Variants in PRDM16 observed in about 807,000 individuals in gnomAD.
PRDM16 encodes histone-lysine N-methyltransferase PRDM16.
A neutral mutation model predicts 110.6 loss-of-function variants in PRDM16; 23 were observed. The ratio of observed to expected loss-of-function variants is 0.21; its 90% confidence interval spans 0.15 to 0.29. The LOEUF is 0.29. Ranked by LOEUF, PRDM16 falls within the 10% of genes least tolerant of loss-of-function variation. The pLI, the probability that PRDM16 is intolerant of heterozygous loss-of-function variation, is 1.00. For missense variants in PRDM16, 1,615 were observed against 1,794.3 expected (o/e 0.90, Z 1.81); for synonymous variants, 799 against 781.8 (o/e 1.02, Z -0.37).
chr1:3,360,538 G>A (rs1182378634), intron 3 of PRDM16, among the ~76,000 whole-genome samples: 1 of 152,180 alleles, frequency 6.6e-6, no homozygotes, highest in Admixed American at 6.5e-5. Flanking sequence ...TAGATGCTGG[G>A]AAGAGGTGTC....
At chr1:3,127,539 G>C (rs191966257) in intron 1 of PRDM16, among the ~76,000 whole-genome samples, 1 of 152,192 alleles carries the variant, frequency 6.6e-6, no homozygotes, top group Non-Finnish European at 1.5e-5. Flanking sequence ...AATCTTTATC[G>C]AGCTCAAATG....
At chr1:3,114,728 C>T (rs1406693412) in intron 1 of PRDM16, among the ~76,000 whole-genome samples, 5 of 152,376 alleles carry the variant, frequency 3.3e-5, no homozygotes, top group Admixed American at 1.3e-4. Flanking sequence ...CTCCTGCAGC[C>T]GGGTAGATGG....
At chr1:3,316,699 C>T (rs1482647020) in intron 3 of PRDM16, among the ~76,000 whole-genome samples, 1 of 151,514 alleles carries the variant, frequency 6.6e-6, no homozygotes, top group East Asian at 1.9e-4. Context: ...AGACAGGAAA[C>T]AGTGACATAG....
chr1:3,162,357 G>A (rs1311484346), intron 1 of PRDM16, among the ~76,000 whole-genome samples: 5 of 152,140 alleles, frequency 3.3e-5, no homozygotes, highest in African/African-American at 4.8e-5. Flanking sequence ...TCCCGCAGCC[G>A]CGAAGCCTCG....
At chr1:3,105,798 G>C (rs1642638679) in intron 1 of PRDM16, among the ~76,000 whole-genome samples, 1 of 152,248 alleles carries the variant, frequency 6.6e-6, no homozygotes, top group Non-Finnish European at 1.5e-5. Context: ...GGCCACTGCT[G>C]TGTGCAGCCC....
chr1:3,141,526 A>T (rs558551951), intron 1 of PRDM16, among the ~76,000 whole-genome samples: 3 of 152,366 alleles, frequency 2.0e-5, no homozygotes, highest in African/African-American at 7.2e-5. Context: ...ATCTAATTGT[A>T]CAATACGTTA....
rs909378089 is a variant in PRDM16 at position 3,411,741 on chromosome 1, C to T, written c.1544C>T (p.Pro515Leu). 19 of 1,611,672 alleles carry T rather than the reference C, an allele frequency of 1.2e-5. No homozygotes were observed. The highest frequency in any genetic ancestry group is 2.7e-5 in the African/African-American group (2 of 74,980). ...TTCCCCGCACTCACCCCCGGCTTCC[C>T]GGGCATCTTCCCTCCATCCTTGTAC... ...PTFPALTPGF[P>L]GIFPPSLYPR... Residue 515 changes from proline to leucine, a missense_variant, in exon 9 of 17, where the codon CCG becomes CTG. Pro to Leu is a moderately conservative substitution (Grantham distance 98). This residue lies in a region of PRDM16 where 772 missense variants were observed against 748.3 expected (regional missense o/e 1.03). Transcript: ENST00000270722.
At chr1:3,154,964 G>C (rs1448683027) in intron 1 of PRDM16, among the ~76,000 whole-genome samples, 2 of 152,188 alleles carry the variant, frequency 1.3e-5, no homozygotes, top group Non-Finnish European at 1.5e-5. Flanking sequence ...TGTGTGAACC[G>C]ACCCCGCCAT....
chr1:3,285,487 G>A (rs115351230), intron 3 of PRDM16, among the ~76,000 whole-genome samples: 2,747 of 152,242 alleles, frequency 0.018, 84 homozygotes, highest in African/African-American at 0.062. Flanking sequence ...ATCTCGGGAC[G>A]GACATGTCCC....
chr1:3,095,101 C>T (rs1411666848), intron 1 of PRDM16, among the ~76,000 whole-genome samples: 2 of 152,216 alleles, frequency 1.3e-5, no homozygotes, highest in Non-Finnish European at 2.9e-5. Flanking sequence ...AGGCGAGCAG[C>T]CAGGGGTCTC....
At chr1:3,356,270 GC>G (rs1473246268) in intron 3 of PRDM16, among the ~76,000 whole-genome samples, 16 of 152,140 alleles carry the variant, frequency 1.1e-4, no homozygotes, top group Non-Finnish European at 2.9e-5. Flanking sequence ...GCCCCCCCCA[GC>G]CCCCCTGCGC....
intron 3 of PRDM16, among the ~76,000 whole-genome samples, chr1:3,322,724 G>A (rs536209103): frequency 1.9e-4 from 29 of 152,286 alleles, no homozygotes; most frequent in African/African-American, 6.0e-4. Flanking sequence ...GCAGCGACCC[G>A]TCACCTAGAA....
At chr1:3,371,724 G>A (rs945209057) in intron 3 of PRDM16, among the ~76,000 whole-genome samples, 4 of 152,256 alleles carry the variant, frequency 2.6e-5, no homozygotes, top group African/African-American at 9.6e-5. Flanking sequence ...GGCAGGGCGA[G>A]CCAAGGTGCA....
In PRDM16 at chr1:3,175,604, G is replaced by A. The variant is rs960528851; in HGVS notation, c.38-10521G>A. On this transcript the variant is annotated intron_variant, in intron 1 of 16. Coordinates refer to ENST00000270722, the MANE Select transcript of PRDM16 (RefSeq NM_022114.4). This position sits in a 1 kb window ranked among gnomAD's most constrained non-coding sequence, Gnocchi z 4.8. ...AAGGAAAAGAGGAGCCAGAGGATGG[G>A]GCCCCAACAAGCCTCAGGTGGAAGC... Among the ~76,000 whole-genome samples, 1 of 152,016 alleles carries A rather than the reference G, an allele frequency of 6.6e-6. No individual in the cohort carries two copies. Among genetic ancestry groups the A allele is most frequent in the Admixed American group, 6.6e-5 (1 of 15,264 alleles).
chr1:3,164,012 A>T (rs1643922253), intron 1 of PRDM16, among the ~76,000 whole-genome samples: 1 of 152,192 alleles, frequency 6.6e-6, no homozygotes, highest in Admixed American at 6.5e-5. Flanking sequence ...CCCTGCTGGA[A>T]TGTTCCCTGA....
intron 1 of PRDM16, among the ~76,000 whole-genome samples, chr1:3,111,386 C>T (rs770319626): frequency 3.3e-4 from 32 of 98,458 alleles, no homozygotes; most frequent in African/African-American, 1.1e-3. Context: ...GGGAAGTCCA[C>T]ACATGGAGGC....
intron 2 of PRDM16, among the ~76,000 whole-genome samples, chr1:3,242,192 G>A (rs1051340206): frequency 6.6e-6 from 1 of 152,226 alleles, no homozygotes; most frequent in Non-Finnish European, 1.5e-5. Flanking sequence ...GGGGAGGGCA[G>A]GGCCCTCTCG....
intron 4 of PRDM16, chr1:3,394,381 G>A (rs1030874381): frequency 4.6e-6 from 2 of 438,290 alleles, no homozygotes; most frequent in South Asian, 3.2e-5. Context: ...GCCCCCGTCC[G>A]CCCACCCAGC....
rs1309216833 is a variant in PRDM16 at position 3,290,801 on chromosome 1, G to A, written c.438+46664G>A. On this transcript the variant is annotated intron_variant, in intron 3 of 16. Transcript: ENST00000270722. The surrounding 1 kb of genome is among the most constrained non-coding windows in gnomAD (Gnocchi z 4.8). Reference sequence around the variant, plus strand: ...GCAGGCCCTACGAGATCCCTGAAACGGGATACGCCGAGCTGAACTTGGCCA... The same window carrying A: ...GCAGGCCCTACGAGATCCCTGAAACAGGATACGCCGAGCTGAACTTGGCCA... Among the ~76,000 whole-genome samples the A allele has an allele frequency of 6.6e-6, 1 of 152,034 alleles. No homozygotes were observed. The highest frequency in any genetic ancestry group is 2.4e-5 in the African/African-American group (1 of 41,346).
Sources: allele counts gnomAD v4.1 joint callset (sites outside exome capture counted in the v4.1 genomes callset), GRCh38; gene constraint gnomAD v4.1.1; regional missense constraint gnomAD v4.1.1; non-coding constraint Gnocchi (gnomAD v3.1); transcripts MANE v1.5; gene names NCBI Gene and HGNC (gene_info 2026-07-23, HGNC 2026-07-21).